Variants in HDAC7 observed in about 807,000 individuals in gnomAD.
The protein encoded by HDAC7 is histone deacetylase 7, also known as histone deacetylase 7A.
Under a neutral mutation model 115.5 loss-of-function variants are expected in HDAC7, and 26 were observed. That is an observed-to-expected ratio of 0.23 (90% CI 0.16 to 0.31). The LOEUF is 0.31. Ranked by LOEUF, HDAC7 falls within the 10% of genes least tolerant of loss-of-function variation. The pLI is 1.00. For synonymous variants in HDAC7, 564 were observed against 550.9 expected, an observed-to-expected ratio of 1.02 and a Z score of -0.33; for missense variants, 1,068 against 1,329.0, an observed-to-expected ratio of 0.80 and a Z score of 3.05.
At chr12:47,819,627 C>T (rs1944960890) in intron 1 of HDAC7, 140 bp downstream of exon 1, 2 of 155,134 alleles carry the variant, frequency 1.3e-5, no homozygotes, top group Admixed American at 6.6e-5. Flanking sequence ...GGGCGCAAGC[C>T]GGGCTGGGCC....
At position 47,803,550 on chromosome 12, in the gene HDAC7, G is replaced by A. The variant is rs1017614072; in HGVS notation, c.20-1276C>T. Reference sequence around the variant, plus strand: ...AATTCTGCCCATCCTCTGAGGTCCAGCCCAAGTCCATCTCCTTGGGAGGCT... The same window carrying A: ...AATTCTGCCCATCCTCTGAGGTCCAACCCAAGTCCATCTCCTTGGGAGGCT... On this transcript the variant is annotated intron_variant, in intron 1 of 25. Transcript: ENST00000080059. This position sits in a 1 kb window ranked among gnomAD's most constrained non-coding sequence, Gnocchi z 4.0. 9.2e-5 allele frequency among the ~76,000 whole-genome samples: 14 copies of A among 152,088 alleles called. No homozygotes were observed. Among genetic ancestry groups the A allele is most frequent in the Admixed American group, 3.9e-4 (6 of 15,278 alleles).
At chr12:47,802,143 C>T (rs937309339) in intron 2 of HDAC7, 81 bp downstream of exon 2, 2 of 1,446,158 alleles carry the variant, frequency 1.4e-6, no homozygotes, top group Non-Finnish European at 1.9e-6. Flanking sequence ...TCTCTAACCC[C>T]TCAGCTTCTC....
rs80095092 is a variant in HDAC7 at position 47,786,538 on chromosome 12, G to A, written c.2572+47C>T. 93 of 1,385,642 alleles carry A rather than the reference G, an allele frequency of 6.7e-5. No homozygotes were observed. The African/African-American group carries it at 9.1e-4, about 14-fold the overall frequency. The allele number at this position is 1,385,642 out of a possible 1,614,324, so 85.8% of individuals were successfully genotyped here. ...GGAGTGCCTCCCAACTCCCCGCACC[G>A]CCTGGCTCTCTGTCCCTAACGTCCC... On this transcript the variant is annotated intron_variant, in intron 22 of 25. Coordinates refer to ENST00000080059, the MANE Select transcript of HDAC7 (RefSeq NM_015401.5).
At position 47,784,145 on chromosome 12, in the gene HDAC7, T is replaced by A. The variant is rs761843810; in HGVS notation, c.2864A>T (p.Asp955Val). Residue 955 changes from aspartate (D) to valine (V), a missense_variant, in exon 25 of 26, where the codon GAC (aspartate) becomes GTC (valine). By Grantham distance (152) the Asp-to-Val change is radical. Coordinates refer to ENST00000080059, the MANE Select transcript of HDAC7 (RefSeq NM_015401.5). ...GGTCACTGCCTCCACTTCTTCTTTG[T>A]CAGCCCCTGGCACTCTAGGCACCCA... is the stretch of plus-strand genomic sequence containing the variant. ...DSWVPRVPGA[D>V]KEEVEAVTAL... The A allele has an allele frequency of 6.2e-7, 1 of 1,613,770 alleles. No homozygotes were observed. Among genetic ancestry groups the A allele is most frequent in the Non-Finnish European group, 8.5e-7 (1 of 1,179,888 alleles).
chr12:47,806,766 G>T (rs1161488273), intron 1 of HDAC7, among the ~76,000 whole-genome samples: 1 of 152,146 alleles, frequency 6.6e-6, no homozygotes, highest in Admixed American at 6.6e-5. Context: ...TGTCTGTGAT[G>T]CACCCAGCAC....
upstream of HDAC7, among the ~76,000 whole-genome samples, chr12:47,821,153 A>G (rs147615646): frequency 1.1e-3 from 171 of 152,306 alleles, no homozygotes; most frequent in African/African-American, 3.9e-3. Context: ...AGAAACCCCA[A>G]GAATCCAGAG....
intron 13 of HDAC7, chr12:47,792,273 C>A: frequency 1.9e-6 from 1 of 521,250 alleles, no homozygotes; most frequent in East Asian, 3.3e-5. Context: ...CACAGAGCCA[C>A]GGCCTTCCCA....
rs193245376 is a variant in HDAC7 at position 47,803,454 on chromosome 12, C to T, written c.20-1180G>A. ...AGCCTGGGCACAGGGAGACTCCCACCGACTGCCCCTCAAACCAGCCCATGC... is the reference window on the plus strand; with the variant it reads ...AGCCTGGGCACAGGGAGACTCCCACTGACTGCCCCTCAAACCAGCCCATGC... On this transcript the variant is annotated intron_variant, in intron 1 of 25. Transcript: ENST00000080059. This position sits in a 1 kb window ranked among gnomAD's most constrained non-coding sequence, Gnocchi z 4.0. Among the ~76,000 whole-genome samples the T allele has an allele frequency of 2.0e-4, 30 of 152,308 alleles. No individual in the cohort carries two copies. Among genetic ancestry groups the T allele is most frequent in the Admixed American group, 5.2e-4 (8 of 15,302 alleles).
At chr12:47,808,221 C>T (rs1407714598) in intron 1 of HDAC7, among the ~76,000 whole-genome samples, 1 of 152,182 alleles carries the variant, frequency 6.6e-6, no homozygotes, top group African/African-American at 2.4e-5. Flanking sequence ...ATTTTGCAGC[C>T]GCAGGATGTC....
At position 47,798,622 on chromosome 12, in the gene HDAC7, G is replaced by C. The variant is rs1264285031; in HGVS notation, c.289C>G (p.Gln97Glu). The change falls in exon 4 of 26, where the codon CAG becomes GAG. Residue 97 changes from glutamine (Q) to glutamate (E), a missense_variant. Physicochemically the swap from Gln to Glu is conservative, Grantham distance 29 (BLOSUM62 2). Coordinates refer to ENST00000080059, the MANE Select transcript of HDAC7 (RefSeq NM_015401.5). This position sits in a 1 kb window ranked among gnomAD's most constrained non-coding sequence, Gnocchi z 4.3. ...AGCTCTTGTTCCTGGGGTCCCACCTGCAACTCGGGCATCGGCGTGTCCATG... is the reference window on the plus strand; with the variant it reads ...AGCTCTTGTTCCTGGGGTCCCACCTCCAACTCGGGCATCGGCGTGTCCATG... The part of the protein sequence containing the change: ...LSMDTPMPEL[Q>E]VGPQEQELRQ... 2.5e-6 allele frequency: 4 copies of C among 1,613,928 alleles called. No homozygotes were observed. Among genetic ancestry groups the C allele is most frequent in the Non-Finnish European group, 3.4e-6 (4 of 1,179,888 alleles).
intron 14 of HDAC7, 48 bp from the exon 15 acceptor site, chr12:47,791,754 C>T: frequency 2.5e-6 from 4 of 1,604,968 alleles, no homozygotes; most frequent in Non-Finnish European, 3.4e-6. Context: ...CCCCTTCCCT[C>T]CCATCACCAC....
At chr12:47,787,936 A>C (rs1041494933) in intron 20 of HDAC7, 109 bp downstream of exon 20, 1 of 1,563,916 alleles carries the variant, frequency 6.4e-7, no homozygotes, top group Non-Finnish European at 8.7e-7. Flanking sequence ...TTAGGATCAG[A>C]GAGGCTCAGC....
chr12:47,820,767 T>G (rs1417422843), upstream of HDAC7, among the ~76,000 whole-genome samples: 1 of 149,048 alleles, frequency 6.7e-6, no homozygotes, highest in Non-Finnish European at 1.5e-5. The surrounding 1 kb of genome is among the most constrained non-coding windows in gnomAD (Gnocchi z 4.3). Context: ...ACTTCAGCAA[T>G]GTGCCCAGTG....
Position 47,795,333 on chromosome 12 carries a change from T to C in HDAC7, c.1135A>G (p.Thr379Ala), listed in dbSNP as rs1489006321. ...CCTGACCCAGAGAGCCGCTCGGTGG[T>C]CATTAAGGACTGGGCAAAGTGGAAG... ...LPFHFAQSLM[T>A]TERLSGSGLH... The change falls in exon 11 of 26, where the codon ACC (threonine) becomes GCC (alanine). Residue 379 changes from threonine (T) to alanine (A), a missense_variant. By Grantham distance (58) the Thr-to-Ala change is moderately conservative. Transcript: ENST00000080059. The surrounding 1 kb of genome is among the most constrained non-coding windows in gnomAD (Gnocchi z 4.3). 1 of 1,610,704 alleles carries C rather than the reference T, an allele frequency of 6.2e-7. No homozygotes were observed. Among genetic ancestry groups the C allele is most frequent in the East Asian group, 2.2e-5 (1 of 44,776 alleles).
Position 47,791,116 on chromosome 12 carries a change from G to GGC in HDAC7, c.1983+141_1983+142dup, listed in dbSNP as rs1165703421. 3 of 771,682 alleles carry GGC rather than the reference G, an allele frequency of 3.9e-6. No individual in the cohort carries two copies. In the African/African-American group the frequency reaches 5.2e-5, roughly 13 times the overall value. The allele number at this position is 771,682 out of a possible 1,614,324, so 47.8% of individuals were successfully genotyped here. A position where few individuals can be genotyped will look rare whatever the true frequency, so the allele number is the denominator to read the frequency against. ...CCAAAAGGAGCTTCCTGCTGCAGGG[G>GGC]GCACCTCAGGAAGTCCCTGGCTCAC... On this transcript the variant is annotated intron_variant, in intron 16 of 25. Transcript: ENST00000080059.
chr12:47,804,586 G>A (rs1450357182), intron 1 of HDAC7, among the ~76,000 whole-genome samples: 1 of 151,936 alleles, frequency 6.6e-6, no homozygotes, highest in East Asian at 1.9e-4. Flanking sequence ...TCTAGCACAG[G>A]GCTCTTTGCC....
rs1943751763 is a variant in HDAC7 at position 47,795,286 on chromosome 12, C to T, written c.1182G>A (p.Arg394=). Reference sequence around the variant, plus strand: ...TGGGGGGCAGGGGCTCTGAGCGAGTCCGGCTCAGTGGCCAGTGGAGGCCTG... The same window carrying T: ...TGGGGGGCAGGGGCTCTGAGCGAGTTCGGCTCAGTGGCCAGTGGAGGCCTG... The part of the protein sequence containing the change: ...SGSGLHWPLS[R]TRSEPLPPSA... Residue 394 remains arginine (R), a synonymous_variant, in exon 11 of 26, where the codon CGG becomes CGA. Coordinates refer to ENST00000080059, the MANE Select transcript of HDAC7 (RefSeq NM_015401.5). This position sits in a 1 kb window ranked among gnomAD's most constrained non-coding sequence, Gnocchi z 4.3. 1.2e-6 allele frequency: 2 copies of T among 1,612,738 alleles called. No homozygotes were observed. Among genetic ancestry groups the T allele is most frequent in the African/African-American group, 2.7e-5 (2 of 74,786 alleles).
intron 13 of HDAC7, chr12:47,792,406 G>C (rs1943579552): frequency 2.9e-6 from 1 of 348,994 alleles, no homozygotes; most frequent in Admixed American, 3.9e-5. Context: ...AACCCAGAGA[G>C]GCTACCAAGG....
chr12:47,810,381 C>T (rs888503976), intron 1 of HDAC7, among the ~76,000 whole-genome samples: 6 of 152,278 alleles, frequency 3.9e-5, no homozygotes, highest in Non-Finnish European at 5.9e-5. Context: ...GGTACACTGG[C>T]GTGGACTGCT....
Sources: gnomAD v4.1 joint callset for allele counts (sites outside exome capture counted in the v4.1 genomes callset) on GRCh38, gnomAD v4.1.1 for gene constraint, Gnocchi (gnomAD v3.1) non-coding constraint, MANE v1.5 for transcripts, NCBI Gene and HGNC (gene_info 2026-07-23, HGNC 2026-07-21) for gene names.